SLC4A10: variants seen among roughly 807,000 people sequenced by gnomAD.
SLC4A10 encodes solute carrier family 4 member 10.
In SLC4A10, 42 loss-of-function variants were observed where a neutral mutation model predicts 137.7. The observed-to-expected ratio is 0.30, with a 90% CI of 0.24 to 0.39. SLC4A10 has a LOEUF of 0.39. Ranked by LOEUF, SLC4A10 falls within the 10% of genes least tolerant of loss-of-function variation. The pLI is 1.00. For missense variants in SLC4A10, 925 were observed against 1,355.0 expected (o/e 0.68, Z 4.98); for synonymous variants, 474 against 464.1 (o/e 1.02, Z -0.27).
At chr2:161,795,396 G>C (rs2054654082) in intron 2 of SLC4A10, among the ~76,000 whole-genome samples, 1 of 151,844 alleles carries the variant, frequency 6.6e-6, no homozygotes, top group South Asian at 2.1e-4. Context: ...ACTTACTGAG[G>C]GATGACTGAC....
intron 1 of SLC4A10, among the ~76,000 whole-genome samples, chr2:161,681,553 A>G (rs538825956): frequency 1.3e-5 from 2 of 152,264 alleles, no homozygotes; most frequent in Admixed American, 6.5e-5. Flanking sequence ...AAACTTAGTA[A>G]CTTTGCCCTT....
At chr2:161,811,495 CA>C (rs2056547157) in intron 3 of SLC4A10, among the ~76,000 whole-genome samples, 1 of 152,068 alleles carries the variant, frequency 6.6e-6, no homozygotes, top group Non-Finnish European at 1.5e-5. Flanking sequence ...CATCATTCAA[CA>C]AGGCAGATTG....
intron 20 of SLC4A10, among the ~76,000 whole-genome samples, chr2:161,957,843 G>A (rs1193188522): frequency 6.6e-6 from 1 of 151,860 alleles, no homozygotes; most frequent in African/African-American, 2.4e-5. Flanking sequence ...TGTGTCAATT[G>A]CGCTATAAAT....
chr2:161,862,875 T>G lies in SLC4A10; in HGVS notation c.579T>G (p.Asp193Glu). ...CTTCTTCCGGCCTTTTCTCTTCAGA[T>G]ATGGTTCTTGACCAACAAGTGAGCT... ...MHANTLEEIA[D>E]MVLDQQVSSG... Residue 193 changes from aspartate to glutamate, a missense_variant and splice_region_variant, in exon 6 of 27, where the codon GAT (aspartate) becomes GAG (glutamate). Physicochemically the swap from Asp to Glu is conservative, Grantham distance 45. Coordinates refer to ENST00000446997, the MANE Select transcript of SLC4A10 (RefSeq NM_001178015.2). 1 of 1,589,870 alleles carries G rather than the reference T, an allele frequency of 6.3e-7. No homozygotes were observed. The highest frequency in any genetic ancestry group is 8.6e-7 in the Non-Finnish European group (1 of 1,166,656).
At chr2:161,852,272 G>A (rs2059876141) in intron 4 of SLC4A10, among the ~76,000 whole-genome samples, 1 of 152,110 alleles carries the variant, frequency 6.6e-6, no homozygotes, top group Non-Finnish European at 1.5e-5. Context: ...AAATAGACTA[G>A]AAAGTAAATT....
intron 1 of SLC4A10, among the ~76,000 whole-genome samples, chr2:161,632,906 C>T (rs1363050177): frequency 1.3e-5 from 2 of 151,512 alleles, no homozygotes; most frequent in Non-Finnish European, 1.5e-5. Flanking sequence ...ATAAAACAGC[C>T]TTTTTAACAA....
intron 1 of SLC4A10, among the ~76,000 whole-genome samples, chr2:161,726,992 T>G (rs1391603638): frequency 1.3e-5 from 2 of 152,244 alleles, no homozygotes; most frequent in Non-Finnish European, 1.5e-5. Flanking sequence ...CCAAATACTC[T>G]TTCTCCTCAC....
chr2:161,629,587 G>A (rs2033135453), intron 1 of SLC4A10, among the ~76,000 whole-genome samples: 1 of 151,752 alleles, frequency 6.6e-6, no homozygotes, highest in Non-Finnish European at 1.5e-5. Context: ...TTTGCATTAG[G>A]ACTTGGTGTT....
At chr2:161,875,609 C>A (rs2125938392) in intron 8 of SLC4A10, among the ~76,000 whole-genome samples, 1 of 152,222 alleles carries the variant, frequency 6.6e-6, no homozygotes, top group Admixed American at 6.5e-5. Context: ...TTTTGTTTTT[C>A]AAGCTGACAG....
chr2:161,956,482 C>T (rs1695693235), intron 19 of SLC4A10, among the ~76,000 whole-genome samples: 1 of 151,968 alleles, frequency 6.6e-6, no homozygotes, highest in African/African-American at 2.4e-5. Context: ...GGAGGGAGTG[C>T]TCTTCCCCAT....
At chr2:161,720,930 G>C (rs1253331274) in intron 1 of SLC4A10, among the ~76,000 whole-genome samples, 2 of 151,764 alleles carry the variant, frequency 1.3e-5, no homozygotes, top group African/African-American at 2.4e-5. Flanking sequence ...CCAGGTTCAA[G>C]TAATTCTCCT....
chr2:161,716,456 A>G (rs7568920), intron 1 of SLC4A10, among the ~76,000 whole-genome samples: 141,836 of 152,222 alleles, frequency 0.93, 66,150 homozygotes, highest in East Asian at 1. Context: ...GGTTTTTATA[A>G]TTTTGGGTTT....
intron 1 of SLC4A10, among the ~76,000 whole-genome samples, chr2:161,721,077 C>A (rs1445626951): frequency 2.0e-5 from 3 of 152,212 alleles, no homozygotes; most frequent in Non-Finnish European, 2.9e-5. Flanking sequence ...GATCCACCCA[C>A]CTCGGCCTCC....
chr2:161,764,670 T>C (rs527831982), intron 1 of SLC4A10, among the ~76,000 whole-genome samples: 1 of 152,250 alleles, frequency 6.6e-6, no homozygotes, highest in South Asian at 2.1e-4. Flanking sequence ...AGATTAATGA[T>C]ATTCACAAAC....
chr2:161,670,921 G>C (rs2039625738), intron 1 of SLC4A10, among the ~76,000 whole-genome samples: 1 of 152,066 alleles, frequency 6.6e-6, no homozygotes, highest in African/African-American at 2.4e-5. Context: ...GTGTTCATCT[G>C]AGCCACATGT....
chr2:161,720,871 C>T (rs1371264999), intron 1 of SLC4A10, among the ~76,000 whole-genome samples: 3 of 150,870 alleles, frequency 2.0e-5, no homozygotes, highest in African/African-American at 7.3e-5. Context: ...TGCTCTGTCA[C>T]CCAGGCTGGA....
At chr2:161,856,644 A>G (rs761231779) in intron 5 of SLC4A10, among the ~76,000 whole-genome samples, 21 of 152,148 alleles carry the variant, frequency 1.4e-4, no homozygotes, top group African/African-American at 1.9e-4. Flanking sequence ...ATCCAGCTCA[A>G]TTTCTTAGCT....
intron 1 of SLC4A10, among the ~76,000 whole-genome samples, chr2:161,719,901 A>G (rs1162063928): frequency 5.3e-5 from 8 of 152,286 alleles, no homozygotes; most frequent in African/African-American, 1.4e-4. Flanking sequence ...TAGTTTAATT[A>G]GATCCCATTT....
At chr2:161,751,472 A>G (rs1024616283) in intron 1 of SLC4A10, among the ~76,000 whole-genome samples, 1 of 151,198 alleles carries the variant, frequency 6.6e-6, no homozygotes, top group Non-Finnish European at 1.5e-5. Flanking sequence ...TATAGTTATA[A>G]TAGTCTATTT....
Sources: allele counts gnomAD v4.1 joint callset (sites outside exome capture counted in the v4.1 genomes callset), GRCh38; gene constraint gnomAD v4.1.1; transcripts MANE v1.5; gene names NCBI Gene and HGNC (gene_info 2026-07-23, HGNC 2026-07-21).